TMCC3: variants seen among roughly 807,000 people sequenced by gnomAD.
TMCC3 encodes the protein transmembrane and coiled-coil domain family 3.
Under a neutral mutation model 40.2 loss-of-function variants are expected in TMCC3, and 28 were observed. The ratio of observed to expected loss-of-function variants is 0.70; its 90% CI spans 0.52 to 0.95. TMCC3 has a LOEUF of 0.95. Among genes scored for constraint, TMCC3 ranks in the 40% least tolerant of loss-of-function variants. TMCC3 has a pLI of 0.00. For synonymous variants in TMCC3, 255 were observed against 248.5 expected (o/e 1.03, Z -0.25); for missense variants, 554 against 615.2 (o/e 0.90, Z 1.05).
At chr12:94,616,878 C>T (rs1463384436) in intron 1 of TMCC3, among the ~76,000 whole-genome samples, 1 of 152,136 alleles carries the variant, frequency 6.6e-6, no homozygotes, top group Admixed American at 6.5e-5. Flanking sequence ...CCTTGGCAGC[C>T]GCATAGAGGA....
intron 1 of TMCC3, among the ~76,000 whole-genome samples, chr12:94,635,347 G>T (rs1172573700): frequency 4.6e-5 from 7 of 152,144 alleles, no homozygotes; most frequent in African/African-American, 1.4e-4. Context: ...GTTAGGCTGG[G>T]TTCCTGCTCT....
chr12:94,641,498 C>A (rs1371347177), intron 1 of TMCC3, among the ~76,000 whole-genome samples: 1 of 152,142 alleles, frequency 6.6e-6, no homozygotes, highest in South Asian at 2.1e-4. Flanking sequence ...TAGGGGGACG[C>A]TTCACTGGGT....
At chr12:94,644,549 C>T (rs2069008032) in intron 1 of TMCC3, 1 of 389,670 alleles carries the variant, frequency 2.6e-6, no homozygotes, top group African/African-American at 2.2e-5. Context: ...AAAGGAAAAG[C>T]CTGCAACAAA....
At chr12:94,647,788 C>T (rs143139966) in intron 1 of TMCC3, among the ~76,000 whole-genome samples, 33 of 152,326 alleles carry the variant, frequency 2.2e-4, no homozygotes, top group African/African-American at 7.9e-4. Context: ...TGGATGAATA[C>T]TTTCTGCACA....
At chr12:94,589,168 G>A (rs1484235144) in intron 1 of TMCC3, among the ~76,000 whole-genome samples, 1 of 151,776 alleles carries the variant, frequency 6.6e-6, no homozygotes, top group Non-Finnish European at 1.5e-5. Flanking sequence ...TATCGTTAGT[G>A]TTAGTGTATT....
rs1422074820 is a variant in TMCC3, at chr12:94,578,385, GA to G, written c.1131+8del. On this transcript the variant is annotated splice_region_variant and intron_variant, in intron 3 of 3. Coordinates refer to ENST00000261226, the MANE Select transcript of TMCC3 (RefSeq NM_020698.4). ...CCAGGCCTGTGTCTAATCACAAAGG[GA>G]AAGGTACCTGGATGTCCCGCGAGCG... 1.2e-6 allele frequency: 2 copies of G among 1,612,820 alleles called. No individual in the cohort carries two copies. The highest frequency in any genetic ancestry group is 4.5e-5 in the East Asian group (2 of 44,850).
intron 1 of TMCC3, among the ~76,000 whole-genome samples, chr12:94,621,886 C>A (rs990942959): frequency 6.6e-6 from 1 of 152,140 alleles, no homozygotes; most frequent in Non-Finnish European, 1.5e-5. Context: ...TCAGAACGCA[C>A]CACTGGTTTA....
chr12:94,610,337 T>A (rs184780894), intron 1 of TMCC3, among the ~76,000 whole-genome samples: 2 of 151,748 alleles, frequency 1.3e-5, no homozygotes, highest in African/African-American at 4.8e-5. Flanking sequence ...TCCTTCACCA[T>A]CATGATCACC....
chr12:94,636,494 C>T (rs2068961661), intron 1 of TMCC3, among the ~76,000 whole-genome samples: 1 of 152,132 alleles, frequency 6.6e-6, no homozygotes, highest in South Asian at 2.1e-4. Flanking sequence ...ACGATGGTAC[C>T]CTCCCACAAG....
At chr12:94,619,190 C>G (rs533610989) in intron 1 of TMCC3, among the ~76,000 whole-genome samples, 1 of 152,168 alleles carries the variant, frequency 6.6e-6, no homozygotes, top group African/African-American at 2.4e-5. Flanking sequence ...ACAGCATCTC[C>G]GTGCTATTAT....
chr12:94,629,921 A>G (rs934974301), intron 1 of TMCC3, among the ~76,000 whole-genome samples: 58 of 152,246 alleles, frequency 3.8e-4, no homozygotes, highest in African/African-American at 1.4e-3. Context: ...AATAGAAGTT[A>G]TATATGCCCA....
chr12:94,581,582 T>A (rs201250927), intron 2 of TMCC3, 40 bp downstream of exon 2: 3 of 1,234,712 alleles, frequency 2.4e-6, no homozygotes, highest in Middle Eastern at 2.6e-4. Context: ...AATAAATAAA[T>A]AAAAAATAAA....
At position 94,644,433 on chromosome 12, in the gene TMCC3, G is replaced by A. The variant is rs888073991; in HGVS notation, c.78+5920C>T. On this transcript the variant is annotated intron_variant, in intron 1 of 3. Transcript: ENST00000261226. ...TGGAGATGCCGGCAGAGGGTCTGAA[G>A]CAAAATACACCCTGAGATCCAACTT... 10 of 985,294 alleles carry A rather than the reference G, an allele frequency of 1.0e-5. No individual in the cohort carries two copies. The African/African-American group carries it at 1.2e-4, about 12-fold the overall frequency. The allele number at this position is 985,294 out of a possible 1,614,324, so 61.0% of individuals were successfully genotyped here.
chr12:94,598,865 T>C (rs2068733868), intron 1 of TMCC3: 3 of 747,054 alleles, frequency 4.0e-6, no homozygotes, highest in Non-Finnish European at 4.9e-6. Flanking sequence ...CACTGTATCA[T>C]GACCCTTCTT....
At chr12:94,640,237 G>A (rs1227071346) in intron 1 of TMCC3, among the ~76,000 whole-genome samples, 1 of 152,202 alleles carries the variant, frequency 6.6e-6, no homozygotes, top group Admixed American at 6.5e-5. Flanking sequence ...ATGCAATCAA[G>A]GCTCACTGCA....
chr12:94,614,308 T>G (rs1412309562), intron 1 of TMCC3, among the ~76,000 whole-genome samples: 1 of 152,138 alleles, frequency 6.6e-6, no homozygotes, highest in African/African-American at 2.4e-5. Context: ...GGGTCACCAC[T>G]GCAATGATCT....
intron 3 of TMCC3, among the ~76,000 whole-genome samples, chr12:94,576,870 T>C (rs768810294): frequency 1.3e-5 from 2 of 152,150 alleles, no homozygotes. Flanking sequence ...ACAACTTTGT[T>C]TATATTGATC....
intron 1 of TMCC3, among the ~76,000 whole-genome samples, chr12:94,597,124 CAT>C (rs869220054): frequency 0.086 from 2,523 of 29,482 alleles, 96 homozygotes; most frequent in East Asian, 0.24. Flanking sequence ...TATTAAAATA[CAT>C]ATATATATAT....
At chr12:94,641,464 G>A (rs2068990517) in intron 1 of TMCC3, among the ~76,000 whole-genome samples, 1 of 152,162 alleles carries the variant, frequency 6.6e-6, no homozygotes, top group Admixed American at 6.5e-5. Context: ...TGGCGTGTAA[G>A]GCAGAAGTCA....
Sources: allele counts gnomAD v4.1 joint callset (sites outside exome capture counted in the v4.1 genomes callset), GRCh38; gene constraint gnomAD v4.1.1; transcripts MANE v1.5; gene names NCBI Gene and HGNC (gene_info 2026-07-23, HGNC 2026-07-21).